PRKG1: variants seen among roughly 807,000 people sequenced by gnomAD.
PRKG1 encodes the protein protein kinase cGMP-dependent 1.
Under a neutral mutation model 88.1 loss-of-function variants are expected in PRKG1, and 35 were observed. The ratio of observed to expected loss-of-function variants is 0.40; its 90% confidence interval spans 0.30 to 0.53. PRKG1 has a LOEUF of 0.53. PRKG1 is among the 20% of genes least tolerant of loss of function. PRKG1 has a pLI of 0.59. For synonymous variants in PRKG1, 303 were observed against 292.5 expected (o/e 1.04, Z -0.37); for missense variants, 540 against 839.8 (o/e 0.64, Z 4.41).
At chr10:51,906,005 G>A (rs534479513) in intron 4 of PRKG1, among the ~76,000 whole-genome samples, 8 of 152,220 alleles carry the variant, frequency 5.3e-5, no homozygotes, top group Non-Finnish European at 7.4e-5. Context: ...CTTGTAGTAC[G>A]AGATTAAAGA....
chr10:51,402,587 G>A (rs529520004), intron 2 of PRKG1, among the ~76,000 whole-genome samples: 65 of 152,292 alleles, frequency 4.3e-4, no homozygotes, highest in Admixed American at 1.9e-3. Context: ...TATGCTGACT[G>A]TATTAATGAT....
intron 2 of PRKG1, among the ~76,000 whole-genome samples, chr10:51,237,474 TGTTGG>T (rs1214977510): frequency 2.0e-5 from 3 of 152,216 alleles, no homozygotes; most frequent in Non-Finnish European, 4.4e-5. Context: ...TATCCCTTAA[TGTTGG>T]AACAGATAGA....
At chr10:51,884,613 A>T (rs896318099) in intron 4 of PRKG1, among the ~76,000 whole-genome samples, 3 of 151,578 alleles carry the variant, frequency 2.0e-5, no homozygotes, top group African/African-American at 4.8e-5. Context: ...CAGTGTGCCA[A>T]TGTTCTACTC....
intron 2 of PRKG1, among the ~76,000 whole-genome samples, chr10:51,250,556 G>A (rs138134278): frequency 4.0e-5 from 6 of 151,862 alleles, no homozygotes; most frequent in Admixed American, 6.6e-5. Context: ...TACTACTGAA[G>A]CAAGGAGGTT....
At chr10:51,226,399 T>C (rs912877928) in intron 2 of PRKG1, among the ~76,000 whole-genome samples, 18 of 152,206 alleles carry the variant, frequency 1.2e-4, no homozygotes, top group Non-Finnish European at 2.6e-4. Flanking sequence ...TGGAAAGTCA[T>C]GGATGTTGTG....
At chr10:52,211,910 T>C (rs898384924) in intron 9 of PRKG1, among the ~76,000 whole-genome samples, 22 of 152,072 alleles carry the variant, frequency 1.4e-4, no homozygotes, top group African/African-American at 5.3e-4. Context: ...TCTATAAATC[T>C]TATATTTCTA....
chr10:51,215,230 G>T (rs1241268918), intron 2 of PRKG1, among the ~76,000 whole-genome samples: 1 of 152,182 alleles, frequency 6.6e-6, no homozygotes, highest in Non-Finnish European at 1.5e-5. Context: ...AATTAATGGT[G>T]TCATGTTTGA....
At chr10:51,117,101 T>G (rs2131908167) in intron 1 of PRKG1, among the ~76,000 whole-genome samples, 2 of 152,304 alleles carry the variant, frequency 1.3e-5, no homozygotes, top group Middle Eastern at 6.8e-3. Context: ...GGAAGTAATA[T>G]TTCTGTATTG....
chr10:51,608,933 T>G (rs1385580418), intron 3 of PRKG1, among the ~76,000 whole-genome samples: 2 of 152,120 alleles, frequency 1.3e-5, no homozygotes, highest in Admixed American at 1.3e-4. Flanking sequence ...GCTTATGGAA[T>G]AAGGATATAA....
rs558606943 is a variant in PRKG1, at chr10:51,550,521, G to T, written c.592+82685G>T. 1.3e-4 allele frequency among the ~76,000 whole-genome samples: 20 copies of T among 151,728 alleles called. No individual in the cohort carries two copies. In the South Asian group the frequency reaches 4.2e-3, roughly 32 times the overall value. ...TCTTCCTTATTTTCATAAATGCCTG[G>T]GAATAAACCTCTTAGAGATACAAAA... On this transcript the variant is annotated intron_variant, in intron 3 of 17. Coordinates refer to ENST00000373980, the MANE Select transcript of PRKG1 (RefSeq NM_006258.4).
chr10:51,043,947 C>G (rs1843456398), intron 1 of PRKG1, among the ~76,000 whole-genome samples: 1 of 152,144 alleles, frequency 6.6e-6, no homozygotes, highest in Non-Finnish European at 1.5e-5. Flanking sequence ...AAACTTTTCT[C>G]TATACCAAAC....
At chr10:52,231,473 A>C (rs1017406528) in intron 9 of PRKG1, 3 of 152,128 alleles carry the variant, frequency 2.0e-5, no homozygotes, top group South Asian at 2.1e-4. Context: ...ATATGTTTAA[A>C]AGATTCCAGA....
chr10:52,154,634 T>C (rs1034518599), intron 8 of PRKG1, among the ~76,000 whole-genome samples: 5 of 152,222 alleles, frequency 3.3e-5, no homozygotes, highest in African/African-American at 9.6e-5. Context: ...ACACCCTTTA[T>C]TAAGATGCAT....
intron 2 of PRKG1, among the ~76,000 whole-genome samples, chr10:51,399,947 G>A (rs1837690713): frequency 6.6e-6 from 1 of 152,154 alleles, no homozygotes; most frequent in African/African-American, 2.4e-5. Flanking sequence ...GGCTGTAGGA[G>A]TTCTGGCTGC....
intron 3 of PRKG1, among the ~76,000 whole-genome samples, chr10:51,684,388 A>G (rs144907214): frequency 4.6e-5 from 7 of 152,160 alleles, no homozygotes; most frequent in African/African-American, 1.7e-4. Flanking sequence ...TATGTTCTAA[A>G]TGTAGGTGTG....
At position 52,296,142 on chromosome 10, in the gene PRKG1, A is replaced by G. The variant is rs1842377469; in HGVS notation, c.*2242A>G. The G allele has an allele frequency of 6.6e-6, 1 of 152,076 alleles. No homozygotes were observed. The highest frequency in any genetic ancestry group is 1.5e-5 in the Non-Finnish European group (1 of 67,954). 9.4% of individuals were successfully genotyped at this position (152,076 alleles called of 1,614,324 possible). A position where few individuals can be genotyped will look rare whatever the true frequency, so the allele number is the denominator to read the frequency against. ...GCTTGCTAAAGAAAGGCTTGCTAGA[A>G]TACTAAATTTACCTTGTTATTTGGA... is the stretch of plus-strand genomic sequence containing the variant. On this transcript the variant is annotated 3_prime_UTR_variant, in exon 18 of 18. Coordinates refer to ENST00000373980, the MANE Select transcript of PRKG1 (RefSeq NM_006258.4).
At chr10:52,290,183 C>T in intron 16 of PRKG1, 41 bp from the exon 17 acceptor site, 1 of 1,567,930 alleles carries the variant, frequency 6.4e-7, no homozygotes, top group Non-Finnish European at 8.8e-7. Flanking sequence ...AAGCTTTTAG[C>T]TGACACAAAA....
intron 2 of PRKG1, among the ~76,000 whole-genome samples, chr10:51,436,930 C>T (rs1838948966): frequency 6.6e-6 from 1 of 151,972 alleles, no homozygotes; most frequent in Non-Finnish European, 1.5e-5. Context: ...GAGGTTGCCC[C>T]AGTCAGAGTT....
intron 3 of PRKG1, among the ~76,000 whole-genome samples, chr10:51,627,759 G>T (rs571540568): frequency 5.3e-5 from 8 of 152,074 alleles, no homozygotes; most frequent in Non-Finnish European, 1.2e-4. Flanking sequence ...AGACTTGAAA[G>T]TGCTTGGCAG....
Sources: allele counts gnomAD v4.1 joint callset (sites outside exome capture counted in the v4.1 genomes callset), GRCh38; gene constraint gnomAD v4.1.1; transcripts MANE v1.5; gene names NCBI Gene and HGNC (gene_info 2026-07-23, HGNC 2026-07-21).